SPOCK1: variants seen among roughly 807,000 people sequenced by gnomAD.
SPOCK1 encodes testican-1.
In SPOCK1, 23 loss-of-function variants were observed where a neutral mutation model predicts 55.3. The ratio of observed to expected loss-of-function variants is 0.42; its 90% CI spans 0.30 to 0.59. The LOEUF is 0.59. SPOCK1 is among the 20% of genes least tolerant of loss of function. The pLI, the probability that SPOCK1 is intolerant of heterozygous loss-of-function variation, is 0.22. For missense variants in SPOCK1, 499 were observed against 552.5 expected, an observed-to-expected ratio of 0.90 and a Z score of 0.97; for synonymous variants, 226 against 221.0, an observed-to-expected ratio of 1.02 and a Z score of -0.20.
At chr5:137,407,081 T>C (rs1195544463) in intron 2 of SPOCK1, among the ~76,000 whole-genome samples, 2 of 152,134 alleles carry the variant, frequency 1.3e-5, no homozygotes, top group African/African-American at 4.8e-5. Flanking sequence ...TGCTAAAACA[T>C]GGCTGAAATA....
chr5:137,111,802 C>T (rs984027705), intron 5 of SPOCK1, among the ~76,000 whole-genome samples: 2 of 152,114 alleles, frequency 1.3e-5, no homozygotes, highest in African/African-American at 4.8e-5. Flanking sequence ...AGCCTTCCCT[C>T]ATCCCTCCAA....
At chr5:137,234,831 G>A (rs1281861063) in intron 3 of SPOCK1, among the ~76,000 whole-genome samples, 1 of 152,174 alleles carries the variant, frequency 6.6e-6, no homozygotes, top group Non-Finnish European at 1.5e-5. Flanking sequence ...AATTAGTGAT[G>A]TACTAATGTG....
At chr5:137,094,897 G>A (rs549478143) in intron 5 of SPOCK1, among the ~76,000 whole-genome samples, 59 of 152,278 alleles carry the variant, frequency 3.9e-4, no homozygotes, top group Middle Eastern at 3.4e-3. Context: ...TGCCTTTGTC[G>A]CTAAGCACGA....
chr5:137,253,597 C>T (rs897943622), intron 3 of SPOCK1, among the ~76,000 whole-genome samples: 10 of 152,160 alleles, frequency 6.6e-5, no homozygotes, highest in African/African-American at 2.2e-4. Flanking sequence ...TCAATTTCCC[C>T]GACATCAAAC....
intron 6 of SPOCK1, among the ~76,000 whole-genome samples, chr5:137,034,387 C>T (rs1751840528): frequency 6.6e-6 from 1 of 152,168 alleles, no homozygotes; most frequent in South Asian, 2.1e-4. Context: ...CCTCATAATA[C>T]CCCTACAGTG....
At chr5:137,288,582 C>A (rs552678731) in intron 2 of SPOCK1, among the ~76,000 whole-genome samples, 2 of 152,324 alleles carry the variant, frequency 1.3e-5, no homozygotes, top group African/African-American at 4.8e-5. Context: ...GCCAGAGAAT[C>A]AAATCGCTAG....
chr5:137,380,877 A>G lies in SPOCK1; in HGVS notation c.187-113822T>C, dbSNP rs115758942. On this transcript the variant is annotated intron_variant, in intron 2 of 10. Coordinates refer to ENST00000394945, the MANE Select transcript of SPOCK1 (RefSeq NM_004598.4). Reference sequence around the variant, plus strand: ...AGCTCCCCTGGGAGCCCTGCAATACAACCCAAGCTACATTGCAAAATACAA... The same window carrying G: ...AGCTCCCCTGGGAGCCCTGCAATACGACCCAAGCTACATTGCAAAATACAA... 3.7e-3 allele frequency among the ~76,000 whole-genome samples: 569 copies of G among 152,254 alleles called. 6 individuals are homozygous for G. The highest frequency in any genetic ancestry group is 0.013 in the African/African-American group (542 of 41,536).
chr5:137,382,984 T>C (rs1428754593), intron 2 of SPOCK1, among the ~76,000 whole-genome samples: 1 of 152,094 alleles, frequency 6.6e-6, no homozygotes, highest in East Asian at 1.9e-4. Context: ...AATCTCCACG[T>C]AGAAGAGCCA....
At position 137,279,185 on chromosome 5, in the gene SPOCK1, C is replaced by G. The variant is rs540964983; in HGVS notation, c.187-12130G>C. 2.0e-5 allele frequency among the ~76,000 whole-genome samples: 3 copies of G among 152,364 alleles called. No individual in the cohort carries two copies. The East Asian group carries it at 5.8e-4, about 29-fold the overall frequency. ...TTTTCTAAAGCATACTGCACTCTCT[C>G]TGTGTGGGACAAATTAGATGGAGCC... On this transcript the variant is annotated intron_variant, in intron 2 of 10. Transcript: ENST00000394945.
At chr5:137,238,523 T>TAGA (rs1756225972) in intron 3 of SPOCK1, among the ~76,000 whole-genome samples, 1 of 38,264 alleles carries the variant, frequency 2.6e-5, no homozygotes, top group East Asian at 6.0e-4. Flanking sequence ...AATTACCACA[T>TAGA]AAAGAAGCAC....
At chr5:137,028,890 C>T (rs572018173) in intron 6 of SPOCK1, among the ~76,000 whole-genome samples, 2 of 152,236 alleles carry the variant, frequency 1.3e-5, no homozygotes, top group East Asian at 1.9e-4. Flanking sequence ...GCACTGGAAG[C>T]ACCCTTTGAA....
chr5:137,133,587 A>C (rs1753924837), intron 4 of SPOCK1, among the ~76,000 whole-genome samples: 1 of 152,172 alleles, frequency 6.6e-6, no homozygotes, highest in African/African-American at 2.4e-5. Context: ...AGAAAAACAA[A>C]GGAACAGAGG....
rs547749472 is a variant in SPOCK1 at position 137,095,539 on chromosome 5, G to A, written c.474+16896C>T. Among the ~76,000 whole-genome samples, 6 of 152,310 alleles carry A rather than the reference G, an allele frequency of 3.9e-5. No individual in the cohort carries two copies. The South Asian group carries it at 1.2e-3, about 32-fold the overall frequency. ...TGTTGGTTACCTCTTCTGTAAAAAT[G>A]AAAACAGAATTGTGCATCCCAAGGT... On this transcript the variant is annotated intron_variant, in intron 5 of 10. Coordinates refer to ENST00000394945, the MANE Select transcript of SPOCK1 (RefSeq NM_004598.4).
chr5:137,433,038 G>C (rs936295154), intron 2 of SPOCK1, among the ~76,000 whole-genome samples: 4 of 152,222 alleles, frequency 2.6e-5, no homozygotes, highest in African/African-American at 9.7e-5. Flanking sequence ...TTCCTGCCCT[G>C]TGGAAGGCAA....
chr5:137,105,546 G>A (rs1308123649), intron 5 of SPOCK1, among the ~76,000 whole-genome samples: 1 of 152,142 alleles, frequency 6.6e-6, no homozygotes, highest in African/African-American at 2.4e-5. Context: ...CCGACCCTGA[G>A]AATAGCCTGT....
intron 4 of SPOCK1, among the ~76,000 whole-genome samples, chr5:137,137,774 G>A (rs1754015066): frequency 6.6e-6 from 1 of 152,224 alleles, no homozygotes; most frequent in Non-Finnish European, 1.5e-5. Flanking sequence ...AAACTGGGTA[G>A]GGACCAAGGC....
chr5:137,089,009 T>A (rs1273581060), intron 5 of SPOCK1, among the ~76,000 whole-genome samples: 5 of 152,082 alleles, frequency 3.3e-5, no homozygotes, highest in Non-Finnish European at 7.4e-5. Context: ...ATAGTCAACA[T>A]GCCGAGAGAG....
intron 2 of SPOCK1, among the ~76,000 whole-genome samples, chr5:137,282,114 C>A (rs903795793): frequency 2.0e-5 from 3 of 152,192 alleles, no homozygotes; most frequent in Non-Finnish European, 4.4e-5. Context: ...ATGCCAAACA[C>A]CCAGCGCATA....
intron 2 of SPOCK1, among the ~76,000 whole-genome samples, chr5:137,455,875 A>G (rs1753353750): frequency 6.6e-6 from 1 of 152,166 alleles, no homozygotes; most frequent in East Asian, 1.9e-4. Context: ...CAAAAAGTAG[A>G]AATAAAAAAA....
Sources: allele counts gnomAD v4.1 joint callset (sites outside exome capture counted in the v4.1 genomes callset), GRCh38; gene constraint gnomAD v4.1.1; transcripts MANE v1.5; gene names NCBI Gene and HGNC (gene_info 2026-07-23, HGNC 2026-07-21).